TUSC3: variants seen among roughly 807,000 people sequenced by gnomAD.
TUSC3 encodes the protein tumor suppressor candidate 3.
Under a neutral mutation model 44.8 loss-of-function variants are expected in TUSC3, and 45 were observed. The ratio of observed to expected loss-of-function variants is 1.00; its 90% CI spans 0.79 to 1.29. The LOEUF (loss-of-function observed/expected upper bound fraction) is 1.29. Among genes scored for constraint, TUSC3 ranks in the 50% most tolerant of loss-of-function variants. The pLI is 0.00. For missense variants in TUSC3, 519 were observed against 437.9 expected (o/e 1.19, Z -1.65); for synonymous variants, 212 against 152.9 (o/e 1.39, Z -2.85).
the TUSC3 span, among the ~76,000 whole-genome samples, chr8:15,815,693 T>C: frequency 2.6e-5 from 4 of 152,272 alleles, 1 homozygote; most frequent in South Asian, 8.3e-4. Context: ...TTCCCATCTC[T>C]TATGGCATTC....
intron 7 of TUSC3, among the ~76,000 whole-genome samples, chr8:15,738,441 CCTG>C (rs1563198437): frequency 1.3e-5 from 2 of 152,184 alleles, no homozygotes; most frequent in African/African-American, 2.4e-5. Flanking sequence ...ATCCAACCTG[CCTG>C]CTATTTTTGT....
At chr8:15,702,144 G>C (rs186511546) in intron 6 of TUSC3, among the ~76,000 whole-genome samples, 1 of 151,976 alleles carries the variant, frequency 6.6e-6, no homozygotes, top group Non-Finnish European at 1.5e-5. Context: ...GGCCTGATGG[G>C]GCTTCCTTTT....
At chr8:15,684,057 G>C (rs374685877) in intron 6 of TUSC3, among the ~76,000 whole-genome samples, 3 of 150,696 alleles carry the variant, frequency 2.0e-5, no homozygotes, top group African/African-American at 7.3e-5. Flanking sequence ...GATCTTAGTC[G>C]TGCTCTCCAC....
intron 3 of TUSC3, among the ~76,000 whole-genome samples, chr8:15,657,557 A>G (rs367779127): frequency 2.0e-5 from 3 of 152,298 alleles, no homozygotes; most frequent in South Asian, 2.1e-4. Flanking sequence ...TCTTACCAGC[A>G]TTCTGATCAT....
In TUSC3 at chr8:15,652,473, T is replaced by C. The variant is rs1430057179; in HGVS notation, c.426+1659T>C. Among the ~76,000 whole-genome samples the C allele has an allele frequency of 2.0e-5, 3 of 152,204 alleles. 1 individual carries two copies. Among genetic ancestry groups the C allele is most frequent in the Non-Finnish European group, 4.4e-5 (3 of 68,028 alleles). On this transcript the variant is annotated intron_variant, in intron 3 of 10. Coordinates refer to ENST00000503731, the MANE Select transcript of TUSC3 (RefSeq NM_006765.4). ...TTATATTCATCTATTCAGCAAATAG[T>C]TTTGCTCCTATGGTACCTATTCTAT... is the stretch of plus-strand genomic sequence containing the variant.
At chr8:15,745,561 T>C (rs1325078275) in intron 8 of TUSC3, among the ~76,000 whole-genome samples, 2 of 152,094 alleles carry the variant, frequency 1.3e-5, no homozygotes, top group Non-Finnish European at 2.9e-5. Context: ...GTAATGATAA[T>C]GAACATTTTT....
chr8:15,807,111 ACAGCAAAGAATGAC>A, the TUSC3 span: 1 of 1,200,676 alleles, frequency 8.3e-7, no homozygotes, highest in East Asian at 2.3e-5. Flanking sequence ...CCCGTTATAC[ACAGCAAAGAATGAC>A]CACCTTTCAA....
intron 1 of TUSC3, among the ~76,000 whole-genome samples, chr8:15,579,018 T>A (rs1803220480): frequency 6.6e-6 from 1 of 151,890 alleles, no homozygotes; most frequent in East Asian, 1.9e-4. Context: ...TATTCAGAGA[T>A]TCAACTTCTT....
At chr8:15,533,359 C>G (rs867734509) in intron 2 of TUSC3, among the ~76,000 whole-genome samples, 2 of 152,106 alleles carry the variant, frequency 1.3e-5, no homozygotes, top group African/African-American at 4.8e-5. Flanking sequence ...TTTTACATAA[C>G]CTAAATATAG....
Position 15,630,832 on chromosome 8 carries a change from C to T in TUSC3, c.308+7583C>T, listed in dbSNP as rs7017500. 1.3e-4 allele frequency among the ~76,000 whole-genome samples: 20 copies of T among 152,122 alleles called. No individual in the cohort carries two copies. In the South Asian group the frequency reaches 2.3e-3, roughly 17 times the overall value. On this transcript the variant is annotated intron_variant, in intron 2 of 10. Transcript: ENST00000503731. ...AATTGAATACAGCTGGCTAAAATCA[C>T]GTGGAAAAGAGCCTATCACCCTTTT...
chr8:15,705,582 G>T (rs536206100), intron 6 of TUSC3, among the ~76,000 whole-genome samples: 4 of 152,036 alleles, frequency 2.6e-5, no homozygotes, highest in African/African-American at 9.7e-5. Context: ...TTCACAAAGC[G>T]CTGATAGCTT....
At chr8:15,665,605 A>G (rs571056445) in intron 5 of TUSC3, among the ~76,000 whole-genome samples, 1 of 151,318 alleles carries the variant, frequency 6.6e-6, no homozygotes, top group South Asian at 2.1e-4. Context: ...ATTTCCTGAC[A>G]TAGGAAATTA....
Position 15,766,404 on chromosome 8 carries a change from G to C in TUSC3, c.*2248G>C, listed in dbSNP as rs537661014. On this transcript the variant is annotated 3_prime_UTR_variant, in exon 11 of 11. Coordinates refer to ENST00000503731, the MANE Select transcript of TUSC3 (RefSeq NM_006765.4). ...ACAATGAGAATTGAATAATTGATTT[G>C]TACCTGGTATGTTATATCCTCCAGT... The C allele has an allele frequency of 6.6e-6, 1 of 152,060 alleles. No homozygotes were observed. The highest frequency in any genetic ancestry group is 2.1e-4 in the South Asian group (1 of 4,832). The allele number at this position is 152,060 out of a possible 1,614,324, so 9.4% of individuals were successfully genotyped here. A position where few individuals can be genotyped will look rare whatever the true frequency, so the allele number is the denominator to read the frequency against.
intron 1 of TUSC3, among the ~76,000 whole-genome samples, chr8:15,594,140 G>T (rs1448794898): frequency 6.6e-6 from 1 of 152,116 alleles, no homozygotes; most frequent in Non-Finnish European, 1.5e-5. Context: ...ATAGTTCGCT[G>T]CAATTTTAAA....
chr8:15,515,417 T>A (rs931427443), intron 2 of TUSC3, among the ~76,000 whole-genome samples: 1 of 152,156 alleles, frequency 6.6e-6, no homozygotes, highest in Non-Finnish European at 1.5e-5. Flanking sequence ...ATAATCTAGC[T>A]GTGCATTTTA....
At chr8:15,817,598 C>T in the TUSC3 span, among the ~76,000 whole-genome samples, 1 of 151,816 alleles carries the variant, frequency 6.6e-6, no homozygotes, top group African/African-American at 2.4e-5. Context: ...AAGGTGGTTT[C>T]CCCTCCACCT....
intron 2 of TUSC3, among the ~76,000 whole-genome samples, chr8:15,527,492 C>G (rs1297881823): frequency 6.6e-6 from 1 of 152,318 alleles, no homozygotes; most frequent in East Asian, 1.9e-4. Context: ...GCTGGGATTA[C>G]AGATGTGAGT....
intron 2 of TUSC3, among the ~76,000 whole-genome samples, chr8:15,489,398 T>G (rs548891110): frequency 6.6e-6 from 1 of 152,202 alleles, no homozygotes; most frequent in Non-Finnish European, 1.5e-5. Flanking sequence ...TGGCCACCCT[T>G]AGAGAAAATA....
intron 2 of TUSC3, among the ~76,000 whole-genome samples, chr8:15,489,005 A>G (rs1800771526): frequency 6.6e-6 from 1 of 152,134 alleles, no homozygotes; most frequent in Non-Finnish European, 1.5e-5. Context: ...GTTGATGAAA[A>G]AGAGAGAAAC....
Sources: allele counts gnomAD v4.1 joint callset (sites outside exome capture counted in the v4.1 genomes callset), GRCh38; gene constraint gnomAD v4.1.1; transcripts MANE v1.5; gene names NCBI Gene and HGNC (gene_info 2026-07-23, HGNC 2026-07-21).